TDRD12: variants seen among roughly 807,000 people sequenced by gnomAD.
TDRD12 encodes putative ATP-dependent RNA helicase TDRD12.
Under a neutral mutation model 133.5 loss-of-function variants are expected in TDRD12, and 158 were observed. That is an observed-to-expected ratio of 1.18 (90% confidence interval 1.04 to 1.35). The LOEUF is 1.35. TDRD12 is among the 40% of genes most tolerant of loss of function. The pLI, the probability that TDRD12 is intolerant of heterozygous loss-of-function variation, is 0.00. For missense variants in TDRD12, 1,443 were observed against 1,321.3 expected, an observed-to-expected ratio of 1.09 and a Z score of -1.43; for synonymous variants, 460 against 477.9, an observed-to-expected ratio of 0.96 and a Z score of 0.49.
chr19:32,820,918 G>C (rs1387490684), intron 27 of TDRD12, 115 bp from the exon 28 acceptor site: 1 of 727,598 alleles, frequency 1.4e-6, no homozygotes, highest in Non-Finnish European at 2.2e-6. Flanking sequence ...TAAGCTCTAC[G>C]TGGGTCTGAC....
intron 2 of TDRD12, among the ~76,000 whole-genome samples, chr19:32,738,630 A>G (rs1285670476): frequency 6.6e-6 from 1 of 152,178 alleles, no homozygotes; most frequent in African/African-American, 2.4e-5. Flanking sequence ...CTTATCCAAC[A>G]TGGTGAAACC....
intron 2 of TDRD12, among the ~76,000 whole-genome samples, chr19:32,737,980 T>C (rs1040213947): frequency 1.3e-5 from 2 of 152,032 alleles, no homozygotes; most frequent in Non-Finnish European, 1.5e-5. Context: ...TAAAAAAATT[T>C]CTTAAAATTA....
chr19:32,803,020 G>A (rs1971445578), exon 21 of TDRD12: 2 of 1,536,026 alleles, frequency 1.3e-6, no homozygotes, highest in East Asian at 4.9e-5. Flanking sequence ...GCTACTTGGA[G>A]CGAGCGGACG....
At position 32,773,427 on chromosome 19, in the gene TDRD12, T is replaced by G. The variant is rs1253379742; in HGVS notation, c.964-29T>G. Reference sequence around the variant, plus strand: ...TATATTATGTTGCTAGCATACACATTCTTTCTGAAGAAAAGTTTTCTTTTA... The same window carrying G: ...TATATTATGTTGCTAGCATACACATGCTTTCTGAAGAAAAGTTTTCTTTTA... On this transcript the variant is annotated intron_variant, in intron 9 of 27. Transcript: ENST00000444215. 3 of 1,545,786 alleles carry G rather than the reference T, an allele frequency of 1.9e-6. No homozygotes were observed. In the South Asian group the frequency reaches 3.6e-5, roughly 18 times the overall value.
At chr19:32,734,892 G>A (rs1004362792) in intron 2 of TDRD12, among the ~76,000 whole-genome samples, 2 of 152,154 alleles carry the variant, frequency 1.3e-5, no homozygotes, top group African/African-American at 4.8e-5. Context: ...ATAGTGATCT[G>A]TGGCCAGTGA....
At chr19:32,752,093 C>T (rs993350706) in intron 6 of TDRD12, among the ~76,000 whole-genome samples, 20 of 152,104 alleles carry the variant, frequency 1.3e-4, no homozygotes, top group South Asian at 4.1e-4. Flanking sequence ...AAGCTGGTCT[C>T]GGACTCCTGA....
chr19:32,722,243 C>T (rs1968707200), intron 1 of TDRD12, among the ~76,000 whole-genome samples: 1 of 152,170 alleles, frequency 6.6e-6, no homozygotes, highest in Non-Finnish European at 1.5e-5. Context: ...CAGGGCTCTT[C>T]CAGGGCTACA....
chr19:32,802,752 G>C, exon 20 of TDRD12: 1 of 1,536,632 alleles, frequency 6.5e-7, no homozygotes, highest in Non-Finnish European at 8.7e-7. Flanking sequence ...TTTGGTGGAC[G>C]CCTGTATTGC....
chr19:32,773,640 GTGAGCTA>G, intron 10 of TDRD12, 108 bp downstream of exon 10: 1 of 867,048 alleles, frequency 1.2e-6, no homozygotes, highest in East Asian at 2.7e-5. Flanking sequence ...CGAGGCTTCA[GTGAGCTA>G]TGATCGTACC....
chr19:32,818,275 G>C lies in TDRD12; in HGVS notation c.3383+118G>C, dbSNP rs1967254997. The C allele has an allele frequency of 2.3e-5, 14 of 611,246 alleles. No homozygotes were observed. The South Asian group carries it at 2.5e-4, about 11-fold the overall frequency. 37.9% of individuals were successfully genotyped at this position (611,246 alleles called of 1,614,324 possible). A position where few individuals can be genotyped will look rare whatever the true frequency, so the allele number is the denominator to read the frequency against. On this transcript the variant is annotated intron_variant, in intron 27 of 27. Transcript: ENST00000444215. ...TCTCCACGGGCCGAGGGAAGGACTG[G>C]GCTGTGAGTTCCAGGAGCAGGGATG...
intron 11 of TDRD12, among the ~76,000 whole-genome samples, chr19:32,790,161 G>A (rs1971027515): frequency 6.6e-6 from 1 of 152,116 alleles, no homozygotes; most frequent in African/African-American, 2.4e-5. Context: ...ACCCATGTTG[G>A]GGTTGGGCTG....
intron 3 of TDRD12, among the ~76,000 whole-genome samples, chr19:32,739,675 GCTCTCTGCATCTCCTGGGTA>G (rs1462466199): frequency 0.04 from 4,947 of 124,968 alleles, 266 homozygotes; most frequent in Non-Finnish European, 0.042. Flanking sequence ...ATCTCCTGCT[GCTCTCTGCATCTCCTGGGTA>G]CTCTCTGCAT....
chr19:32,744,569 G>A (rs1362825621), intron 4 of TDRD12, among the ~76,000 whole-genome samples: 1 of 150,344 alleles, frequency 6.7e-6, no homozygotes, highest in Non-Finnish European at 1.5e-5. Context: ...AGACGTAGAG[G>A]CATATATATA....
chr19:32,740,679 A>G (rs914226187), intron 3 of TDRD12, among the ~76,000 whole-genome samples: 1 of 152,174 alleles, frequency 6.6e-6, no homozygotes, highest in African/African-American at 2.4e-5. Context: ...GCTTGGCTGC[A>G]AGAAAGACAC....
At chr19:32,790,163 G>T (rs1971027601) in intron 11 of TDRD12, among the ~76,000 whole-genome samples, 1 of 152,140 alleles carries the variant, frequency 6.6e-6, no homozygotes, top group Non-Finnish European at 1.5e-5. Flanking sequence ...CCATGTTGGG[G>T]TTGGGCTGGA....
chr19:32,731,871 G>A (rs1166680257), exon 2 of TDRD12: 22 of 1,545,466 alleles, frequency 1.4e-5, no homozygotes, highest in Non-Finnish European at 1.8e-5. Context: ...CCTTAACATT[G>A]GAAGAAGGAC....
intron 8 of TDRD12, among the ~76,000 whole-genome samples, chr19:32,769,072 A>G (rs1256747611): frequency 1.3e-5 from 2 of 152,082 alleles, no homozygotes; most frequent in African/African-American, 4.8e-5. Context: ...TGGAGACGTC[A>G]TTTGTATTAT....
intron 26 of TDRD12, among the ~76,000 whole-genome samples, chr19:32,817,705 T>C (rs918386486): frequency 1.3e-5 from 2 of 151,630 alleles, no homozygotes; most frequent in Non-Finnish European, 1.5e-5. Flanking sequence ...AGCTTCCCCA[T>C]TGCCTGTTCC....
rs190474607 is a variant in TDRD12 at position 32,745,079 on chromosome 19, C to G, written c.440+2179C>G. 8.5e-5 allele frequency among the ~76,000 whole-genome samples: 13 copies of G among 152,354 alleles called. No individual in the cohort carries two copies. In the East Asian group the frequency reaches 9.7e-4, roughly 11 times the overall value. The stretch of plus-strand genomic sequence containing the variant: ...AGGCCGCCCTCCAGCCAGCCCCCCC[C>G]ACTACTCACCGAAGGCTCTGGGAGT... On this transcript the variant is annotated intron_variant, in intron 4 of 27. Coordinates refer to ENST00000444215, the Ensembl canonical transcript of TDRD12.
Sources: allele counts gnomAD v4.1 joint callset (sites outside exome capture counted in the v4.1 genomes callset), GRCh38; gene constraint gnomAD v4.1.1; transcripts MANE v1.5; gene names NCBI Gene and HGNC (gene_info 2026-07-23, HGNC 2026-07-21).